NUP210L: variants seen among roughly 807,000 people sequenced by gnomAD.
NUP210L encodes the protein nuclear pore membrane glycoprotein 210-like.
In NUP210L, 74 loss-of-function variants were observed where a neutral mutation model predicts 208.5. The ratio of observed to expected loss-of-function variants is 0.35; its 90% CI spans 0.29 to 0.43. The LOEUF (loss-of-function observed/expected upper bound fraction) is 0.43. NUP210L is among the 20% of genes least tolerant of loss of function. The pLI, the probability that NUP210L is intolerant of heterozygous loss-of-function variation, is 1.00. For synonymous variants in NUP210L, 780 were observed against 816.9 expected (o/e 0.95, Z 0.77); for missense variants, 1,843 against 2,289.4 (o/e 0.81, Z 3.98).
chr1:154,010,372 AT>A (rs1030088876), intron 34 of NUP210L, among the ~76,000 whole-genome samples: 5 of 151,806 alleles, frequency 3.3e-5, no homozygotes, highest in African/African-American at 9.7e-5. Flanking sequence ...TTTTTCAAAG[AT>A]TTTTTTTGAA....
chr1:154,057,953 G>C, intron 22 of NUP210L, 136 bp downstream of exon 22: 1 of 957,156 alleles, frequency 1.0e-6, no homozygotes, highest in Non-Finnish European at 1.6e-6. Flanking sequence ...AGAGCGTATG[G>C]GCTGAAATGT....
rs748641516 is a variant in NUP210L at position 154,038,839 on chromosome 1, CACTT to C, written c.3696+7226_3696+7229del. 3.9e-5 allele frequency among the ~76,000 whole-genome samples: 6 copies of C among 152,258 alleles called. No individual in the cohort carries two copies. The East Asian group carries it at 1.2e-3, about 29-fold the overall frequency. On this transcript the variant is annotated intron_variant, in intron 27 of 39. Coordinates refer to ENST00000368559, the Ensembl canonical transcript of NUP210L. The stretch of plus-strand genomic sequence containing the variant: ...ATAACCTGTTACTTTAAACTGATGA[CACTT>C]AACACTGGTTGCGTAAACACACAAA...
intron 6 of NUP210L, among the ~76,000 whole-genome samples, chr1:154,136,779 G>A (rs1425639330): frequency 6.6e-6 from 1 of 151,382 alleles, no homozygotes; most frequent in African/African-American, 2.4e-5. Context: ...AATTAGCTGG[G>A]CGTAGTGGCG....
chr1:154,059,061 G>A lies in NUP210L; in HGVS notation c.2851-368C>T, dbSNP rs182892284. ...TTAAAAAAAATTAGCAAGGCTGGGC[G>A]TGGTGGCACATGCCTGTAATCCCAG... On this transcript the variant is annotated intron_variant, in intron 20 of 39. Transcript: ENST00000368559. Among the ~76,000 whole-genome samples the A allele has an allele frequency of 7.9e-5, 12 of 152,208 alleles. No individual in the cohort carries two copies. The East Asian group carries it at 1.7e-3, about 22-fold the overall frequency.
chr1:154,072,147 C>A (rs974281486), intron 16 of NUP210L, among the ~76,000 whole-genome samples: 1 of 152,002 alleles, frequency 6.6e-6, no homozygotes, highest in East Asian at 1.9e-4. Flanking sequence ...CTACCCAGCA[C>A]TGGGATTGCT....
intron 34 of NUP210L, among the ~76,000 whole-genome samples, chr1:154,011,758 G>A (rs1190342908): frequency 2.1e-5 from 3 of 139,756 alleles, no homozygotes; most frequent in East Asian, 2.1e-4. Flanking sequence ...GTGCGATCTC[G>A]GCTCACTCTA....
intron 10 of NUP210L, among the ~76,000 whole-genome samples, chr1:154,122,778 G>A (rs1303239928): frequency 6.6e-6 from 1 of 152,118 alleles, no homozygotes; most frequent in East Asian, 1.9e-4. Context: ...CAGTTCCAGG[G>A]CCAGGTGCAG....
chr1:154,076,662 T>A (rs1377598083), intron 16 of NUP210L, among the ~76,000 whole-genome samples: 1 of 151,582 alleles, frequency 6.6e-6, no homozygotes, highest in Non-Finnish European at 1.5e-5. Flanking sequence ...ACTGAGATTA[T>A]CCAGTCTGAT....
intron 17 of NUP210L, among the ~76,000 whole-genome samples, chr1:154,069,528 C>A (rs1174424594): frequency 2.0e-5 from 3 of 152,138 alleles, no homozygotes; most frequent in Non-Finnish European, 4.4e-5. Flanking sequence ...GAATGGCAAT[C>A]ACTAAAAAGT....
At chr1:154,033,002 A>AAAAGAAAGCAAGC (rs1652342156) in intron 27 of NUP210L, among the ~76,000 whole-genome samples, 1 of 147,548 alleles carries the variant, frequency 6.8e-6, no homozygotes, top group African/African-American at 2.6e-5. Flanking sequence ...AGAAAGAAAG[A>AAAAGAAAGCAAGC]AAAAAAGAAA....
At chr1:154,085,205 C>A (rs1336718964) in intron 16 of NUP210L, among the ~76,000 whole-genome samples, 2 of 149,720 alleles carry the variant, frequency 1.3e-5, no homozygotes, top group African/African-American at 2.4e-5. Flanking sequence ...AAAAAAATAG[C>A]CAGGCTTGGT....
chr1:154,126,550 A>T, intron 9 of NUP210L, 87 bp from the exon 10 acceptor site: 1 of 1,146,214 alleles, frequency 8.7e-7, no homozygotes. Flanking sequence ...ATAAAACTGT[A>T]GCTATGCATT....
intron 16 of NUP210L, among the ~76,000 whole-genome samples, chr1:154,074,025 T>G (rs543581722): frequency 6.2e-4 from 94 of 151,594 alleles, no homozygotes; most frequent in African/African-American, 2.1e-3. Flanking sequence ...AAGTTTTTTT[T>G]TTTTGTCGTT....
intron 33 of NUP210L, among the ~76,000 whole-genome samples, chr1:154,015,597 G>A (rs1257992318): frequency 6.6e-6 from 1 of 152,130 alleles, no homozygotes; most frequent in Non-Finnish European, 1.5e-5. Flanking sequence ...GCAGGTGCCT[G>A]TAATCCCAGC....
At chr1:154,060,222 G>C (rs942198042) in intron 20 of NUP210L, among the ~76,000 whole-genome samples, 5 of 152,170 alleles carry the variant, frequency 3.3e-5, no homozygotes, top group African/African-American at 7.2e-5. Flanking sequence ...CCAGGCAACA[G>C]AGCGAGACTC....
rs796390114 is a variant in NUP210L, at chr1:154,028,026, A to G, written c.3856-429T>C. On this transcript the variant is annotated intron_variant, in intron 28 of 39. Transcript: ENST00000368559. ...ACATCCAGGTCTTCCACCTTCTAGT[A>G]AAGTGCTCCTTCCTCTACTTCACAT... 3.3e-5 allele frequency among the ~76,000 whole-genome samples: 5 copies of G among 152,318 alleles called. 1 individual carries two copies. The highest frequency in any genetic ancestry group is 1.2e-4 in the African/African-American group (5 of 41,582).
intron 8 of NUP210L, 68 bp from the exon 9 acceptor site, chr1:154,127,485 A>G: frequency 2.7e-6 from 2 of 746,966 alleles, no homozygotes; most frequent in East Asian, 5.4e-5. Flanking sequence ...ATTTAAAAAT[A>G]CAACCTTTAT....
At chr1:154,152,675 A>C in intron 2 of NUP210L, 61 bp downstream of exon 2, 2 of 1,463,686 alleles carry the variant, frequency 1.4e-6, no homozygotes, top group Non-Finnish European at 1.9e-6. Context: ...CTATCTATAC[A>C]AAATACCAGA....
intron 35 of NUP210L, among the ~76,000 whole-genome samples, chr1:154,005,013 C>T (rs774845198): frequency 2.0e-5 from 3 of 150,898 alleles, no homozygotes; most frequent in Non-Finnish European, 2.9e-5. Flanking sequence ...GCCACCACGC[C>T]CAGTTAGTTT....
Sources: gnomAD v4.1 joint callset for allele counts (sites outside exome capture counted in the v4.1 genomes callset) on GRCh38, gnomAD v4.1.1 for gene constraint, MANE v1.5 for transcripts, NCBI Gene and HGNC (gene_info 2026-07-23, HGNC 2026-07-21) for gene names.